The following PSMA3 variants were observed in gnomAD, a reference collection of about 807,000 sequenced individuals.
The protein encoded by PSMA3 is proteasome subunit alpha type-3.
Under a neutral mutation model 40.0 loss-of-function variants are expected in PSMA3, and 8 were observed. The ratio of observed to expected loss-of-function variants is 0.20; its 90% CI spans 0.12 to 0.36. The LOEUF (loss-of-function observed/expected upper bound fraction) is 0.36, where lower values mean the gene tolerates loss of function less well. Ranked by LOEUF, PSMA3 falls within the 10% of genes least tolerant of loss-of-function variation. The pLI is 1.00. For synonymous variants in PSMA3, 110 were observed against 100.0 expected (o/e 1.10, Z -0.59); for missense variants, 219 against 310.6 (o/e 0.70, Z 2.22).
At chr14:58,245,383 T>G in intron 1 of PSMA3, 1 of 188,598 alleles carries the variant, frequency 5.3e-6, no homozygotes, top group South Asian at 9.2e-5. Flanking sequence ...TTCACAGGCC[T>G]TCTCTGTCTT....
rs573241352 is a variant in PSMA3 at position 58,271,009 on chromosome 14, G to A, written c.723+11G>A. The A allele has an allele frequency of 1.3e-6, 2 of 1,592,516 alleles. No individual in the cohort carries two copies. Among genetic ancestry groups the A allele is most frequent in the East Asian group, 4.5e-5 (2 of 44,170 alleles). On this transcript the variant is annotated intron_variant, in intron 10 of 10. Coordinates refer to ENST00000216455, the MANE Select transcript of PSMA3 (RefSeq NM_002788.4). Reference sequence around the variant, plus strand: ...GAGAAATATGCTAAGGTAAGCCACAGCACAAAAACTTCTCTTGGCCAGGTA... The same window carrying A: ...GAGAAATATGCTAAGGTAAGCCACAACACAAAAACTTCTCTTGGCCAGGTA...
chr14:58,246,736 T>G (rs1337266206), intron 1 of PSMA3, among the ~76,000 whole-genome samples: 1 of 152,158 alleles, frequency 6.6e-6, no homozygotes, highest in Non-Finnish European at 1.5e-5. Flanking sequence ...TTTACTCTAC[T>G]CTCAAAAAAT....
intron 5 of PSMA3, among the ~76,000 whole-genome samples, chr14:58,259,304 C>CT (rs200698615): frequency 2.6e-5 from 4 of 151,268 alleles, no homozygotes; most frequent in East Asian, 3.9e-4. Flanking sequence ...TTTTTCATAA[C>CT]TTTTTTTTTG....
At chr14:58,249,706 A>G (rs1021098428) in intron 2 of PSMA3, among the ~76,000 whole-genome samples, 3 of 151,930 alleles carry the variant, frequency 2.0e-5, no homozygotes, top group Non-Finnish European at 4.4e-5. Context: ...GGGTTTCACC[A>G]TGTGGCCCAG....
At chr14:58,258,822 A>G (rs551640036) in intron 5 of PSMA3, among the ~76,000 whole-genome samples, 1 of 152,234 alleles carries the variant, frequency 6.6e-6, no homozygotes, top group Non-Finnish European at 1.5e-5. Context: ...TACATATACT[A>G]ACATCTGAGT....
At position 58,270,433 on chromosome 14, in the gene PSMA3, T is replaced by C. The variant is rs781478695; in HGVS notation, c.606T>C (p.His202=). 2 of 1,613,648 alleles carry C rather than the reference T, an allele frequency of 1.2e-6. No individual in the cohort carries two copies. The highest frequency in any genetic ancestry group is 1.7e-5 in the Admixed American group (1 of 60,016). ...KEVAKIIYIV[H]DEVKDKAFEL... is the part of the protein sequence containing the mutation. ...TCTATTCTAGAATTTACATAGTACA[T>C]GACGAAGTTAAGGATAAAGCTTTTG... is the stretch of plus-strand genomic sequence containing the variant. The change falls in exon 9 of 11, where the codon CAT becomes CAC. Residue 202 remains histidine (H), a synonymous_variant. Coordinates refer to ENST00000216455, the MANE Select transcript of PSMA3 (RefSeq NM_002788.4).
intron 1 of PSMA3, among the ~76,000 whole-genome samples, chr14:58,246,521 C>T (rs897234081): frequency 2.6e-5 from 4 of 152,134 alleles, no homozygotes; most frequent in Non-Finnish European, 4.4e-5. Context: ...GTCTCAGCCT[C>T]CCGAAGAGCT....
intron 3 of PSMA3, among the ~76,000 whole-genome samples, chr14:58,253,215 C>A (rs1417957609): frequency 6.6e-6 from 1 of 152,044 alleles, no homozygotes; most frequent in East Asian, 1.9e-4. Context: ...GAACTCCTGA[C>A]CTCAAGTGAT....
intron 2 of PSMA3, among the ~76,000 whole-genome samples, chr14:58,249,052 G>A (rs1229231892): frequency 1.3e-5 from 2 of 152,060 alleles, no homozygotes; most frequent in Non-Finnish European, 2.9e-5. Context: ...CGCAACCTCT[G>A]CCTCCCAGGT....
chr14:58,256,991 A>T (rs12890849), intron 3 of PSMA3, among the ~76,000 whole-genome samples: 105,796 of 150,546 alleles, frequency 0.7, 37,567 homozygotes, highest in Middle Eastern at 0.87. Context: ...AATCCCAGCT[A>T]CTGGGGAGGC....
In PSMA3 at chr14:58,270,290, T is replaced by C. The variant is rs1359039314; in HGVS notation, c.591-128T>C. ...CTCTAATGTTAAATACTATGTAGAA[T>C]GTGTCTGTGTAATTTTATAGATACT... is the stretch of plus-strand genomic sequence containing the variant. On this transcript the variant is annotated intron_variant, in intron 8 of 10. Transcript: ENST00000216455. 31 of 1,305,166 alleles carry C rather than the reference T, an allele frequency of 2.4e-5. 1 individual carries two copies. The highest frequency in any genetic ancestry group is 1.5e-4 in the South Asian group (10 of 65,596). The allele number at this position is 1,305,166 out of a possible 1,614,324, so 80.8% of individuals were successfully genotyped here.
At chr14:58,271,821 C>G in intron 10 of PSMA3, 30 bp from the exon 11 acceptor site, 1 of 1,554,688 alleles carries the variant, frequency 6.4e-7, no homozygotes, top group South Asian at 1.1e-5. Context: ...TTTTAAAAAT[C>G]AATTTTAAAC....
intron 9 of PSMA3, 124 bp from the exon 10 acceptor site, chr14:58,270,810 C>T: frequency 1.2e-6 from 1 of 864,762 alleles, no homozygotes; most frequent in African/African-American, 1.7e-5. Context: ...GAGTATTACT[C>T]ATAGTACAAC....
intron 7 of PSMA3, chr14:58,267,112 G>A (rs1890464789): frequency 6.5e-6 from 1 of 154,776 alleles, no homozygotes; most frequent in South Asian, 2.0e-4. Context: ...AGATTCTTAG[G>A]CCTCAGCCTC....
At chr14:58,268,943 T>C (rs999945935) in intron 8 of PSMA3, 5 of 152,074 alleles carry the variant, frequency 3.3e-5, no homozygotes, top group Admixed American at 2.0e-4. Flanking sequence ...TTTGATACTT[T>C]TTTTTTTTTG....
intron 8 of PSMA3, 47 bp downstream of exon 8, chr14:58,267,567 CT>C: frequency 1.3e-6 from 2 of 1,538,024 alleles, no homozygotes; most frequent in East Asian, 2.4e-5. Flanking sequence ...TTCATTTGAC[CT>C]TTGCATATAT....
chr14:58,263,433 T>C (rs1890339150), intron 6 of PSMA3: 2 of 239,774 alleles, frequency 8.3e-6, no homozygotes. Flanking sequence ...TCCGTTCCTG[T>C]TCCCCAAAAT....
intron 3 of PSMA3, among the ~76,000 whole-genome samples, chr14:58,252,889 A>C (rs1890044000): frequency 6.6e-6 from 1 of 151,724 alleles, no homozygotes; most frequent in African/African-American, 2.4e-5. Context: ...AAAGGAGAAT[A>C]TCTCTATATT....
intron 5 of PSMA3, among the ~76,000 whole-genome samples, chr14:58,259,550 A>G (rs571541552): frequency 1.3e-5 from 2 of 152,204 alleles, no homozygotes; most frequent in South Asian, 4.1e-4. Context: ...CCTGACCTCA[A>G]GTGATCCACC....
Sources: gnomAD v4.1 joint callset for allele counts (sites outside exome capture counted in the v4.1 genomes callset) on GRCh38, gnomAD v4.1.1 for gene constraint, MANE v1.5 for transcripts, NCBI Gene and HGNC (gene_info 2026-07-23, HGNC 2026-07-21) for gene names.